IPP: variants seen among roughly 807,000 people sequenced by gnomAD.
IPP encodes the protein actin-binding protein IPP.
Under a neutral mutation model 64.1 loss-of-function variants are expected in IPP, and 41 were observed. The ratio of observed to expected loss-of-function variants is 0.64; its 90% CI spans 0.50 to 0.83. IPP has a LOEUF of 0.83. Among genes scored for constraint, IPP ranks in the 40% least tolerant of loss-of-function variants. IPP has a pLI of 0.00. For synonymous variants in IPP, 214 were observed against 235.2 expected, an observed-to-expected ratio of 0.91 and a Z score of 0.83; for missense variants, 649 against 703.0, an observed-to-expected ratio of 0.92 and a Z score of 0.87.
At chr1:45,710,620 T>TAA (rs752831333) in intron 8 of IPP, among the ~76,000 whole-genome samples, 4 of 6,286 alleles carry the variant, frequency 6.4e-4, no homozygotes, top group East Asian at 2.5e-3. Flanking sequence ...AGACTCTGTC[T>TAA]AAAAAAAAAA....
At chr1:45,745,322 CA>C (rs1646119848) in intron 2 of IPP, among the ~76,000 whole-genome samples, 2 of 152,146 alleles carry the variant, frequency 1.3e-5, no homozygotes, top group African/African-American at 4.8e-5. Context: ...TGCTATCAAA[CA>C]TTCTGGCTGC....
Position 45,732,206 on chromosome 1 carries a change from C to T in IPP, c.725-2437G>A, listed in dbSNP as rs557798536. The stretch of plus-strand genomic sequence containing the variant: ...GAAACCTCATCTCTACTAAAAATTA[C>T]AAAAATTAGCTGGGCGTTGTGGTGG... On this transcript the variant is annotated intron_variant, in intron 3 of 8. Coordinates refer to ENST00000396478, the MANE Select transcript of IPP (RefSeq NM_005897.3). Among the ~76,000 whole-genome samples, 4 of 151,412 alleles carry T rather than the reference C, an allele frequency of 2.6e-5. No homozygotes were observed. The South Asian group carries it at 8.3e-4, about 32-fold the overall frequency.
chr1:45,728,725 G>T (rs1645865976), intron 4 of IPP, among the ~76,000 whole-genome samples: 1 of 151,890 alleles, frequency 6.6e-6, no homozygotes, highest in African/African-American at 2.4e-5. Flanking sequence ...TGAACTTCTG[G>T]GCTCACACCA....
intron 5 of IPP, among the ~76,000 whole-genome samples, chr1:45,719,964 C>T (rs530675536): frequency 2.8e-4 from 43 of 152,226 alleles, no homozygotes; most frequent in Admixed American, 1.3e-3. Flanking sequence ...CCTCGTGATC[C>T]GCCCGCCTCA....
At chr1:45,728,126 C>CTGTGTGTGTGTGTG (rs371114917) in intron 4 of IPP, among the ~76,000 whole-genome samples, 2 of 132,274 alleles carry the variant, frequency 1.5e-5, no homozygotes, top group African/African-American at 2.8e-5. Context: ...GAGTTGAAAG[C>CTGTGTGTGTGTGTG]TGTGTGTGTG....
At chr1:45,738,854 A>AAAAAAAC (rs1557758666) in intron 3 of IPP, among the ~76,000 whole-genome samples, 1 of 107,436 alleles carries the variant, frequency 9.3e-6, no homozygotes, top group East Asian at 2.9e-4. Flanking sequence ...AAAAAAAAAA[A>AAAAAAAC]AAAAAAAAAA....
At chr1:45,710,277 A>C (rs1645572835) in intron 8 of IPP, among the ~76,000 whole-genome samples, 2 of 118,340 alleles carry the variant, frequency 1.7e-5, no homozygotes, top group African/African-American at 6.1e-5. Flanking sequence ...ACATGATGTG[A>C]GATAGAAATG....
chr1:45,711,111 G>A (rs977255433), intron 8 of IPP, among the ~76,000 whole-genome samples: 1 of 148,500 alleles, frequency 6.7e-6, no homozygotes, highest in Non-Finnish European at 1.5e-5. Context: ...GAGGTGGGTG[G>A]ATCCCGAGGT....
Position 45,741,309 on chromosome 1 carries a change from T to C in IPP, c.316A>G (p.Asn106Asp). The C allele has an allele frequency of 6.2e-7, 1 of 1,612,044 alleles. No individual in the cohort carries two copies. Among genetic ancestry groups the C allele is most frequent in the Non-Finnish European group, 8.5e-7 (1 of 1,178,538 alleles). The change falls in exon 3 of 9, where the codon AAT (asparagine) becomes GAT (aspartate). Residue 106 changes from asparagine (N) to aspartate (D), a missense_variant. Coordinates refer to ENST00000396478, the MANE Select transcript of IPP (RefSeq NM_005897.3). ...YTGIVNIGVNNVQELIIAADM... is the reference protein window; with the variant it reads ...YTGIVNIGVNDVQELIIAADM... ...GCTGCAATAATCAACTCCTGGACAT[T>C]ATTCACACCTATGTTCACTATACCT...
chr1:45,735,191 C>A lies in IPP; in HGVS notation c.725-5422G>T, dbSNP rs532589920. Reference sequence around the variant, plus strand: ...CTCAACCTCCTGGGTTCAAGTGATTCTCCTGCCTCAGCCTCCAGAGTAGCA... The same window carrying A: ...CTCAACCTCCTGGGTTCAAGTGATTATCCTGCCTCAGCCTCCAGAGTAGCA... On this transcript the variant is annotated intron_variant, in intron 3 of 8. Coordinates refer to ENST00000396478, the MANE Select transcript of IPP (RefSeq NM_005897.3). Among the ~76,000 whole-genome samples, 142 of 152,168 alleles carry A rather than the reference C, an allele frequency of 9.3e-4. 1 individual carries two copies. The highest frequency in any genetic ancestry group is 3.3e-3 in the African/African-American group (139 of 41,500).
rs180806130 is a variant in IPP, at chr1:45,714,195, A to G, written c.1530+51T>C. ...AAGAGTGCATCACCACAGATCTTAC[A>G]GACATTAAAAGAATATCAGGATACT... On this transcript the variant is annotated intron_variant, in intron 8 of 8. Transcript: ENST00000396478. 6 of 1,280,182 alleles carry G rather than the reference A, an allele frequency of 4.7e-6. No homozygotes were observed. The Admixed American group carries it at 1.0e-4, about 22-fold the overall frequency. The allele number at this position is 1,280,182 out of a possible 1,614,324, so 79.3% of individuals were successfully genotyped here.
intron 4 of IPP, among the ~76,000 whole-genome samples, chr1:45,728,168 G>GTGT (rs1553191693): frequency 3.0e-4 from 45 of 149,110 alleles, no homozygotes; most frequent in African/African-American, 1.0e-3. Flanking sequence ...GTGTGTGTGT[G>GTGT]TGTGTTTGAG....
intron 5 of IPP, among the ~76,000 whole-genome samples, chr1:45,725,211 G>A (rs1477231544): frequency 7.3e-6 from 1 of 136,816 alleles, no homozygotes; most frequent in African/African-American, 2.7e-5. Flanking sequence ...GGAGGGAGGT[G>A]GGGGGGTCAG....
At chr1:45,700,613 C>T (rs960857781) in intron 8 of IPP, among the ~76,000 whole-genome samples, 21 of 152,166 alleles carry the variant, frequency 1.4e-4, no homozygotes, top group Admixed American at 2.6e-4. Flanking sequence ...GCTAGGATTA[C>T]AGGTGTAAGC....
At chr1:45,739,378 T>C (rs905483079) in intron 3 of IPP, among the ~76,000 whole-genome samples, 1 of 150,002 alleles carries the variant, frequency 6.7e-6, no homozygotes, top group Non-Finnish European at 1.5e-5. Context: ...TGACTATAAG[T>C]GCATGCCACC....
At chr1:45,704,130 A>G (rs1396487314) in intron 8 of IPP, among the ~76,000 whole-genome samples, 2 of 152,152 alleles carry the variant, frequency 1.3e-5, no homozygotes, top group Admixed American at 6.6e-5. Context: ...CAGTGACTGG[A>G]TGGGTCACTG....
At chr1:45,735,968 G>A (rs528489161) in intron 3 of IPP, among the ~76,000 whole-genome samples, 1 of 151,542 alleles carries the variant, frequency 6.6e-6, no homozygotes, top group Non-Finnish European at 1.5e-5. Flanking sequence ...AAAATTATCC[G>A]GGCGTGGTGG....
intron 5 of IPP, among the ~76,000 whole-genome samples, chr1:45,723,173 T>A (rs1324099583): frequency 6.6e-6 from 1 of 152,214 alleles, no homozygotes; most frequent in Non-Finnish European, 1.5e-5. Context: ...CAGATATGTA[T>A]GTATCGGGAA....
intron 8 of IPP, among the ~76,000 whole-genome samples, chr1:45,701,892 G>A (rs184251405): frequency 1.1e-4 from 16 of 152,286 alleles, no homozygotes; most frequent in Non-Finnish European, 1.8e-4. Context: ...GTTTGCTGAT[G>A]TGAACTTAAA....
Sources: gnomAD v4.1 joint callset for allele counts (sites outside exome capture counted in the v4.1 genomes callset) on GRCh38, gnomAD v4.1.1 for gene constraint, MANE v1.5 for transcripts, NCBI Gene and HGNC (gene_info 2026-07-23, HGNC 2026-07-21) for gene names.